GRM5: variants seen among roughly 807,000 people sequenced by gnomAD.
GRM5 encodes glutamate metabotropic receptor 5.
Under a neutral mutation model 83.1 loss-of-function variants are expected in GRM5, and 19 were observed. The ratio of observed to expected loss-of-function variants is 0.23; its 90% CI spans 0.16 to 0.34. The LOEUF is 0.34. GRM5 is among the 10% of genes least tolerant of loss of function. The probability of loss-of-function intolerance (pLI) is 1.00; values close to 1 mark genes in which losing one functional copy is unlikely to be tolerated. For missense variants in GRM5, 1,160 were observed against 1,588.3 expected (o/e 0.73, Z 4.58); for synonymous variants, 675 against 633.6 (o/e 1.07, Z -0.98).
At chr11:88,657,566 A>G (rs1324910660) in intron 3 of GRM5, among the ~76,000 whole-genome samples, 2 of 152,120 alleles carry the variant, frequency 1.3e-5, no homozygotes, top group Non-Finnish European at 2.9e-5. Context: ...TTTCTTCCCA[A>G]GATTGCATTA....
At chr11:88,691,228 T>C (rs1940774750) in intron 3 of GRM5, among the ~76,000 whole-genome samples, 1 of 152,206 alleles carries the variant, frequency 6.6e-6, no homozygotes, top group East Asian at 1.9e-4. Flanking sequence ...TTTTCTACCA[T>C]AACCATAGTT....
chr11:88,726,358 G>A lies in GRM5; in HGVS notation c.912-72955C>T, dbSNP rs181352788. 1.6e-3 allele frequency among the ~76,000 whole-genome samples: 238 copies of A among 152,034 alleles called. 1 individual carries two copies. The highest frequency in any genetic ancestry group is 1.1e-3 in the Non-Finnish European group (76 of 67,982). On this transcript the variant is annotated intron_variant, in intron 3 of 9. Transcript: ENST00000305447. ...TAGAGAAAAAAGAATGAAAAGGAAC[G>A]AACAAAGCCTCCAAGATATATGGGA...
chr11:88,662,426 A>G (rs1435970066), intron 3 of GRM5, among the ~76,000 whole-genome samples: 3 of 152,160 alleles, frequency 2.0e-5, no homozygotes, highest in East Asian at 1.9e-4. Context: ...ATCAGATTGT[A>G]TATTGAAAAT....
intron 4 of GRM5, among the ~76,000 whole-genome samples, chr11:88,631,017 G>A (rs1014854399): frequency 3.9e-5 from 6 of 152,146 alleles, no homozygotes; most frequent in African/African-American, 9.7e-5. Context: ...TCTGGACTAG[G>A]TGTCAGTTCT....
At chr11:89,017,394 A>G (rs1487504398) in intron 2 of GRM5, among the ~76,000 whole-genome samples, 1 of 152,246 alleles carries the variant, frequency 6.6e-6, no homozygotes, top group Non-Finnish European at 1.5e-5. Flanking sequence ...AAGGCATAGC[A>G]TAATGTACAG....
chr11:88,824,526 G>C (rs1185942939), intron 3 of GRM5, among the ~76,000 whole-genome samples: 1 of 152,100 alleles, frequency 6.6e-6, no homozygotes, highest in African/African-American at 2.4e-5. Flanking sequence ...GCGGGGCAGG[G>C]GGGTGGTTTC....
At chr11:88,980,069 A>G (rs1939476260) in intron 2 of GRM5, among the ~76,000 whole-genome samples, 1 of 152,190 alleles carries the variant, frequency 6.6e-6, no homozygotes, top group Admixed American at 6.5e-5. Context: ...TCATTGGGAG[A>G]TAAATAGAGT....
At chr11:88,930,862 C>T (rs569018958) in intron 2 of GRM5, among the ~76,000 whole-genome samples, 1 of 152,040 alleles carries the variant, frequency 6.6e-6, no homozygotes, top group East Asian at 1.9e-4. Flanking sequence ...CTCATATTGC[C>T]AACTCCTTAA....
At chr11:88,861,845 G>A (rs1479135062) in intron 2 of GRM5, among the ~76,000 whole-genome samples, 1 of 152,020 alleles carries the variant, frequency 6.6e-6, no homozygotes, top group Non-Finnish European at 1.5e-5. Flanking sequence ...CAATGTCATA[G>A]GATATTGTTT....
intron 2 of GRM5, among the ~76,000 whole-genome samples, chr11:88,927,960 C>G (rs1047582544): frequency 1.4e-4 from 22 of 152,054 alleles, no homozygotes; most frequent in African/African-American, 4.6e-4. Context: ...CACTTAACTT[C>G]AGAAGCAGGG....
chr11:88,758,824 A>G (rs1420850159), intron 3 of GRM5, among the ~76,000 whole-genome samples: 1 of 152,174 alleles, frequency 6.6e-6, no homozygotes, highest in Non-Finnish European at 1.5e-5. Context: ...AAGAATAAAT[A>G]TTAGTGGCAG....
At chr11:89,032,973 C>T (rs4378401) in intron 2 of GRM5, among the ~76,000 whole-genome samples, 138,414 of 151,932 alleles carry the variant, frequency 0.91, 63,063 homozygotes, top group East Asian at 0.92. Flanking sequence ...TATAAAGACA[C>T]CATTAATGAA....
At chr11:88,798,000 T>C (rs1291482782) in intron 3 of GRM5, among the ~76,000 whole-genome samples, 1 of 152,112 alleles carries the variant, frequency 6.6e-6, no homozygotes, top group East Asian at 1.9e-4. Context: ...CCATGCATAT[T>C]ATAATGTTTC....
At chr11:88,731,409 C>T (rs767202442) in intron 3 of GRM5, among the ~76,000 whole-genome samples, 4 of 152,076 alleles carry the variant, frequency 2.6e-5, no homozygotes, top group African/African-American at 4.8e-5. Flanking sequence ...TTAGACCTCA[C>T]GTCTTTCAAG....
chr11:88,620,071 A>G (rs142445009), intron 4 of GRM5, among the ~76,000 whole-genome samples: 249 of 152,322 alleles, frequency 1.6e-3, no homozygotes, highest in African/African-American at 5.7e-3. Flanking sequence ...CCCTCCCTCC[A>G]AGCCAGAATT....
At chr11:88,674,014 A>C (rs1451807737) in intron 3 of GRM5, among the ~76,000 whole-genome samples, 8 of 151,868 alleles carry the variant, frequency 5.3e-5, no homozygotes, top group Admixed American at 5.3e-4. Context: ...CACTGAGAGG[A>C]TTCAAACAAG....
chr11:88,749,645 A>T (rs1215674339), intron 3 of GRM5, among the ~76,000 whole-genome samples: 2 of 152,180 alleles, frequency 1.3e-5, no homozygotes, highest in Admixed American at 6.6e-5. Context: ...TAATCATTAG[A>T]TTCTCACAGG....
chr11:88,566,630 A>C (rs1048732534), intron 8 of GRM5, among the ~76,000 whole-genome samples: 2 of 152,150 alleles, frequency 1.3e-5, no homozygotes, highest in African/African-American at 4.8e-5. Context: ...GTGCAGTCTG[A>C]TGTGTCGAGT....
intron 4 of GRM5, among the ~76,000 whole-genome samples, chr11:88,625,791 A>G (rs1451781255): frequency 6.6e-6 from 1 of 152,182 alleles, no homozygotes; most frequent in Non-Finnish European, 1.5e-5. Flanking sequence ...TTGAAAAAGA[A>G]ATGAAAATAA....
Sources: allele counts gnomAD v4.1 joint callset (sites outside exome capture counted in the v4.1 genomes callset), GRCh38; gene constraint gnomAD v4.1.1; transcripts MANE v1.5; gene names NCBI Gene and HGNC (gene_info 2026-07-23, HGNC 2026-07-21).